Variants in MTR observed in about 807,000 individuals in gnomAD.
The protein encoded by MTR is 5-methyltetrahydrofolate-homocysteine methyltransferase.
In MTR, 84 loss-of-function variants were observed where a neutral mutation model predicts 154.8. That is an observed-to-expected ratio of 0.54 (90% CI 0.45 to 0.65). The LOEUF (loss-of-function observed/expected upper bound fraction) is 0.65, where lower values mean the gene tolerates loss of function less well. Among genes scored for constraint, MTR ranks in the 30% least tolerant of loss-of-function variants. The pLI, the probability that MTR is intolerant of heterozygous loss-of-function variation, is 0.00. For missense variants in MTR, 1,275 were observed against 1,570.2 expected (o/e 0.81, Z 3.18); for synonymous variants, 554 against 553.9 (o/e 1.00, Z 0.00).
intron 22 of MTR, among the ~76,000 whole-genome samples, chr1:236,872,961 G>C (rs1665223823): frequency 6.6e-6 from 1 of 152,180 alleles, no homozygotes; most frequent in Non-Finnish European, 1.5e-5. Context: ...CTCCAGCCTG[G>C]GTGACAGAAT....
At chr1:236,853,239 G>C in intron 18 of MTR, 151 bp downstream of exon 18, 1 of 1,008,620 alleles carries the variant, frequency 9.9e-7, no homozygotes. Context: ...TGCAGAGATG[G>C]TGGTGTAGCT....
chr1:236,825,769 G>C (rs12060570), intron 10 of MTR, among the ~76,000 whole-genome samples: 53,203 of 152,066 alleles, frequency 0.35, 10,083 homozygotes, highest in Non-Finnish European at 0.41. Flanking sequence ...TCACCTCCAT[G>C]ATTCTCGCTG....
intron 15 of MTR, among the ~76,000 whole-genome samples, chr1:236,842,536 G>A (rs530995870): frequency 6.8e-4 from 104 of 152,114 alleles, no homozygotes; most frequent in African/African-American, 2.1e-3. Flanking sequence ...CGTCTATTGA[G>A]TTTTATTTCT....
chr1:236,841,647 C>CTTTT (rs376000408), intron 15 of MTR, among the ~76,000 whole-genome samples: 1 of 145,846 alleles, frequency 6.9e-6, no homozygotes, highest in Admixed American at 6.8e-5. Context: ...CTTGGTTAAT[C>CTTTT]TTTTTTTTTT....
chr1:236,825,757 T>C, intron 10 of MTR, among the ~76,000 whole-genome samples: 1 of 152,178 alleles, frequency 6.6e-6, no homozygotes. Context: ...GGCCGCCCAT[T>C]GTCACCTCCA....
At chr1:236,832,752 G>A (rs1460689157) in intron 13 of MTR, among the ~76,000 whole-genome samples, 1 of 152,046 alleles carries the variant, frequency 6.6e-6, no homozygotes, top group Non-Finnish European at 1.5e-5. Context: ...GCAACCTTTA[G>A]GAGATCTTCC....
chr1:236,895,304 G>A, intron 30 of MTR, 54 bp from the exon 31 acceptor site: 1 of 1,544,908 alleles, frequency 6.5e-7, no homozygotes, highest in Non-Finnish European at 8.8e-7. Context: ...AGGCTGCACT[G>A]ATGCTGTGAG....
At chr1:236,853,253 G>T (rs1461010516) in intron 18 of MTR, among the ~76,000 whole-genome samples, 165 bp downstream of exon 18, 1 of 152,180 alleles carries the variant, frequency 6.6e-6, no homozygotes, top group Non-Finnish European at 1.5e-5. Flanking sequence ...TGTAGCTAGG[G>T]CAAGGAAGGG....
intron 21 of MTR, 63 bp from the exon 22 acceptor site, chr1:236,863,391 G>A (rs1664657492): frequency 7.6e-7 from 1 of 1,319,720 alleles, no homozygotes; most frequent in Non-Finnish European, 1.1e-6. Flanking sequence ...GCCTGGCTCT[G>A]GAGAACTAGG....
chr1:236,877,651 C>T (rs1665504743), intron 24 of MTR, among the ~76,000 whole-genome samples: 1 of 152,036 alleles, frequency 6.6e-6, no homozygotes, highest in African/African-American at 2.4e-5. Context: ...TGTTGGTGGA[C>T]ATTTGAGGTT....
Position 236,852,607 on chromosome 1 carries a change from G to C in MTR, c.1782G>C (p.Met594Ile). 1 of 1,614,006 alleles carries C rather than the reference G, an allele frequency of 6.2e-7. No individual in the cohort carries two copies. Among genetic ancestry groups the C allele is most frequent in the South Asian group, 1.1e-5 (1 of 91,076 alleles). Residue 594 changes from methionine (M) to isoleucine (I), a missense_variant, in exon 17 of 33, where the codon ATG becomes ATC. By Grantham distance (10) the Met-to-Ile change is conservative. Coordinates refer to ENST00000366577, the MANE Select transcript of MTR (RefSeq NM_000254.3). ...FRGMEAIREA[M>I]HGVFLYHAIK... ...GAATGGAAGCCATTCGAGAAGCAATGCATGGGGTTTTCCTTTACCATGCAA... is the reference window on the plus strand; with the variant it reads ...GAATGGAAGCCATTCGAGAAGCAATCCATGGGGTTTTCCTTTACCATGCAA...
chr1:236,846,698 GT>G (rs930999387), intron 15 of MTR, among the ~76,000 whole-genome samples: 4 of 152,102 alleles, frequency 2.6e-5, no homozygotes, highest in African/African-American at 9.6e-5. Context: ...ATTCCTGTGT[GT>G]TTTGTTTGTT....
intron 24 of MTR, among the ~76,000 whole-genome samples, chr1:236,875,533 T>C (rs1558330214): frequency 6.6e-6 from 1 of 152,246 alleles, no homozygotes; most frequent in Non-Finnish European, 1.5e-5. Flanking sequence ...TTTTATGCCA[T>C]GTACAGTTCA....
At chr1:236,867,071 C>A (rs1204999032) in intron 22 of MTR, among the ~76,000 whole-genome samples, 1 of 152,132 alleles carries the variant, frequency 6.6e-6, no homozygotes, top group Admixed American at 6.5e-5. Flanking sequence ...CTATGCTAAC[C>A]AATAGGTTTT....
At chr1:236,823,541 A>G (rs552559420) in intron 8 of MTR, among the ~76,000 whole-genome samples, 3 of 152,276 alleles carry the variant, frequency 2.0e-5, no homozygotes, top group South Asian at 2.1e-4. Flanking sequence ...CAGTAAAAGG[A>G]AAAAAGTAAA....
intron 26 of MTR, 83 bp from the exon 27 acceptor site, chr1:236,886,209 A>C (rs933526180): frequency 9.1e-7 from 1 of 1,098,186 alleles, no homozygotes; most frequent in Non-Finnish European, 1.4e-6. Flanking sequence ...CAAAGCTTAC[A>C]TACTGGCCTT....
chr1:236,876,469 A>G (rs1159853786), intron 24 of MTR, among the ~76,000 whole-genome samples: 2 of 152,232 alleles, frequency 1.3e-5, no homozygotes, highest in Non-Finnish European at 2.9e-5. Flanking sequence ...GAGAATGGTA[A>G]GAGGACCTAT....
At chr1:236,865,560 A>G (rs1370846003) in intron 22 of MTR, among the ~76,000 whole-genome samples, 2 of 152,216 alleles carry the variant, frequency 1.3e-5, no homozygotes, top group South Asian at 2.1e-4. Context: ...CTCAAAAATG[A>G]TAACAATGTT....
intron 10 of MTR, 129 bp downstream of exon 10, chr1:236,825,528 A>C (rs1203611730): frequency 1.0e-6 from 1 of 968,412 alleles, no homozygotes. Context: ...AAGTTTAGCT[A>C]TCCCAAATTA....
Sources: gnomAD v4.1 joint callset for allele counts (sites outside exome capture counted in the v4.1 genomes callset) on GRCh38, gnomAD v4.1.1 for gene constraint, MANE v1.5 for transcripts, NCBI Gene and HGNC (gene_info 2026-07-23, HGNC 2026-07-21) for gene names.